DACH2: variants seen among roughly 807,000 people sequenced by gnomAD.
DACH2 encodes dachshund family transcription factor 2, also known as dachshund homolog 2.
A neutral mutation model predicts 35.8 loss-of-function variants in DACH2; 17 were observed. That is an observed-to-expected ratio of 0.48 (90% confidence interval 0.33 to 0.71). The LOEUF (loss-of-function observed/expected upper bound fraction) is 0.71, where lower values mean the gene tolerates loss of function less well. Ranked by LOEUF, DACH2 falls within the 30% of genes least tolerant of loss-of-function variation. DACH2 has a pLI of 0.02. For missense variants in DACH2, 469 were observed against 472.7 expected (o/e 0.99, Z 0.07); for synonymous variants, 195 against 177.3 (o/e 1.10, Z -0.79).
chrX:86,552,318 T>C (rs1645452129), intron 3 of DACH2, among the ~76,000 whole-genome samples: 1 of 112,024 alleles, frequency 8.9e-6, no homozygotes, highest in Admixed American at 9.5e-5. Context: ...GCACCAAACA[T>C]TGATCTTCAC....
chrX:86,242,249 C>T (rs2033181017), intron 1 of DACH2, among the ~76,000 whole-genome samples: 1 of 112,505 alleles, frequency 8.9e-6, no homozygotes, highest in South Asian at 3.7e-4. Context: ...TGCAAAGCTA[C>T]AGGGGTGGGG....
intron 3 of DACH2, among the ~76,000 whole-genome samples, chrX:86,646,650 G>C (rs1398621544): frequency 3.7e-5 from 4 of 109,430 alleles, no homozygotes; most frequent in African/African-American, 1.3e-4. Flanking sequence ...AGAGTGAAAG[G>C]GCAACCTACG....
intron 1 of DACH2, among the ~76,000 whole-genome samples, chrX:86,295,173 C>T (rs1220661831): frequency 8.9e-6 from 1 of 111,958 alleles, no homozygotes; most frequent in Non-Finnish European, 1.9e-5. Flanking sequence ...TGGGAGTGAC[C>T]CGATTTTCCA....
At chrX:86,208,656 G>A (rs112347845) in intron 1 of DACH2, among the ~76,000 whole-genome samples, 2,424 of 111,354 alleles carry the variant, frequency 0.022, 67 homozygotes, top group African/African-American at 0.074. Flanking sequence ...AGAATTTTGC[G>A]TGTATCTTTC....
intron 1 of DACH2, among the ~76,000 whole-genome samples, chrX:86,191,263 G>A (rs1024047638): frequency 8.9e-6 from 1 of 111,953 alleles, no homozygotes; most frequent in East Asian, 2.8e-4. Flanking sequence ...TAAAGAAAAT[G>A]TGGTATATAT....
At chrX:86,415,007 C>T (rs758190951) in intron 2 of DACH2, among the ~76,000 whole-genome samples, 2 of 111,729 alleles carry the variant, frequency 1.8e-5, no homozygotes, top group East Asian at 5.6e-4. Flanking sequence ...TTCTTCAATC[C>T]AATCAAGTTG....
intron 1 of DACH2, among the ~76,000 whole-genome samples, chrX:86,154,686 C>T (rs1353853351): frequency 1.8e-5 from 2 of 110,898 alleles, no homozygotes; most frequent in Admixed American, 9.7e-5. Context: ...CAGATGTTGC[C>T]CTGTGTTTAA....
rs776773479 is a variant in DACH2 at position 86,693,119 on chromosome X, A to C, written c.773-1902A>C. Among the ~76,000 whole-genome samples the C allele has an allele frequency of 3.0e-3, 341 of 112,593 alleles. 2 individuals carry two copies. Among genetic ancestry groups the C allele is most frequent in the Non-Finnish European group, 4.7e-3 (248 of 53,325 alleles). On this transcript the variant is annotated intron_variant, in intron 4 of 11. Coordinates refer to ENST00000373125, the MANE Select transcript of DACH2 (RefSeq NM_053281.3). ...TGGATGAAAAGAGAGAACAAGTGGT[A>C]ATCATAGAAGTATTGCATGTTTTCA...
chrX:86,519,307 G>A (rs774152876), intron 3 of DACH2, among the ~76,000 whole-genome samples: 1 of 111,898 alleles, frequency 8.9e-6, no homozygotes, highest in Non-Finnish European at 1.9e-5. Flanking sequence ...CAAGTGTTTT[G>A]TTCTGGATTT....
chrX:86,308,299 G>C (rs1238566199), intron 1 of DACH2, among the ~76,000 whole-genome samples: 1 of 112,659 alleles, frequency 8.9e-6, no homozygotes, highest in African/African-American at 3.2e-5. Context: ...AATACAATGG[G>C]AATAATTGGA....
intron 2 of DACH2, among the ~76,000 whole-genome samples, chrX:86,436,389 G>T (rs201206730): frequency 0.019 from 2,120 of 109,243 alleles, 28 homozygotes; most frequent in East Asian, 0.13. Context: ...TATATAGAGA[G>T]AGAGAGAGTA....
chrX:86,803,326 T>C (rs933411066), intron 7 of DACH2, among the ~76,000 whole-genome samples: 2 of 111,587 alleles, frequency 1.8e-5, no homozygotes, highest in Admixed American at 9.6e-5. Context: ...GTTCAATAAA[T>C]TTACACTAGA....
intron 1 of DACH2, among the ~76,000 whole-genome samples, chrX:86,174,959 C>T (rs2031254998): frequency 8.9e-6 from 1 of 112,434 alleles, no homozygotes; most frequent in African/African-American, 3.2e-5. Flanking sequence ...ACTGGGATTA[C>T]AGGTGTAAAC....
chrX:86,750,857 TATTTC>T (rs2041765423), intron 7 of DACH2, among the ~76,000 whole-genome samples: 1 of 111,790 alleles, frequency 8.9e-6, no homozygotes. Context: ...GCATTTGGGT[TATTTC>T]CATGTATTTG....
intron 2 of DACH2, among the ~76,000 whole-genome samples, chrX:86,487,027 A>G (rs2038028499): frequency 9.0e-6 from 1 of 111,728 alleles, no homozygotes; most frequent in South Asian, 3.8e-4. Context: ...GCAGTGTGAG[A>G]CTAAGTTTTG....
chrX:86,329,523 G>T (rs1189923923), intron 1 of DACH2, among the ~76,000 whole-genome samples: 1 of 110,506 alleles, frequency 9.0e-6, no homozygotes, highest in Non-Finnish European at 1.9e-5. Context: ...TCATGACCCT[G>T]TCTAAACATG....
intron 2 of DACH2, among the ~76,000 whole-genome samples, chrX:86,401,135 G>A (rs927649094): frequency 8.9e-6 from 1 of 112,049 alleles, no homozygotes. Flanking sequence ...AGACTGCTGT[G>A]CTAGCAATGA....
chrX:86,748,846 T>C (rs1308274906), intron 7 of DACH2, among the ~76,000 whole-genome samples: 2 of 111,429 alleles, frequency 1.8e-5, no homozygotes, highest in Admixed American at 1.9e-4. Context: ...ATAAGGGTGT[T>C]TTGTCTACAC....
chrX:86,536,610 T>C (rs2038804665), intron 3 of DACH2, among the ~76,000 whole-genome samples: 1 of 111,340 alleles, frequency 9.0e-6, no homozygotes, highest in African/African-American at 3.3e-5. Flanking sequence ...CAGGTGGTGC[T>C]CAACTCTTTC....
Sources: allele counts gnomAD v4.1 joint callset (sites outside exome capture counted in the v4.1 genomes callset), GRCh38; gene constraint gnomAD v4.1.1; transcripts MANE v1.5; gene names NCBI Gene and HGNC (gene_info 2026-07-23, HGNC 2026-07-21).